OR6N1: variants seen among roughly 807,000 people sequenced by gnomAD.
The protein encoded by OR6N1 is olfactory receptor family 6 subfamily N member 1.
For missense variants in OR6N1, 394 were observed against 371.7 expected, an observed-to-expected ratio of 1.06 and a Z score of -0.49; for synonymous variants, 170 against 150.7, an observed-to-expected ratio of 1.13 and a Z score of -0.94.
the OR6N1 span, among the ~76,000 whole-genome samples, chr1:158,820,544 C>T: frequency 3.3e-5 from 5 of 152,150 alleles, no homozygotes; most frequent in African/African-American, 1.2e-4. Flanking sequence ...TTTGTTGATT[C>T]CTATTATTGT....
At chr1:158,834,932 C>T in the OR6N1 span, among the ~76,000 whole-genome samples, 4 of 152,174 alleles carry the variant, frequency 2.6e-5, no homozygotes, top group African/African-American at 9.6e-5. Context: ...CCATATTTCT[C>T]AGGGTTTATT....
the OR6N1 span, among the ~76,000 whole-genome samples, chr1:158,823,991 T>G: frequency 2.0e-5 from 3 of 152,202 alleles, no homozygotes; most frequent in Non-Finnish European, 4.4e-5. Context: ...AGGAGCAAGT[T>G]GCTTAACTTC....
the OR6N1 span, among the ~76,000 whole-genome samples, chr1:158,801,848 C>T: frequency 3.2e-3 from 489 of 152,168 alleles, no homozygotes; most frequent in Non-Finnish European, 4.9e-3. Context: ...TTTTTAGATA[C>T]TCTAATCTTT....
upstream of OR6N1, chr1:158,777,061 G>T: frequency 6.2e-7 from 1 of 1,614,136 alleles, no homozygotes; most frequent in Non-Finnish European, 8.5e-7. Context: ...GTTAGCAGAT[G>T]TGTCCTTGCA....
At chr1:158,784,925 T>G in the OR6N1 span, among the ~76,000 whole-genome samples, 1 of 152,210 alleles carries the variant, frequency 6.6e-6, no homozygotes, top group African/African-American at 2.4e-5. Flanking sequence ...CAAAGAAATA[T>G]CTGCACTCTC....
At chr1:158,776,195 C>T (rs905745448), upstream of OR6N1, 4 of 152,024 alleles carry the variant, frequency 2.6e-5, no homozygotes, top group African/African-American at 9.7e-5. Context: ...GGCATAAAAA[C>T]TGGTCATGTG....
At chr1:158,791,359 C>T in the OR6N1 span, among the ~76,000 whole-genome samples, 7 of 151,964 alleles carry the variant, frequency 4.6e-5, no homozygotes, top group Non-Finnish European at 8.8e-5. Context: ...ACTCAAAATT[C>T]ATTCAGGAGC....
At chr1:158,774,881 T>C (rs1014276427), upstream of OR6N1, 1 of 152,202 alleles carries the variant, frequency 6.6e-6, no homozygotes, top group African/African-American at 2.4e-5. Flanking sequence ...ATGCATTCTA[T>C]AGAACAGTGG....
the OR6N1 span, among the ~76,000 whole-genome samples, chr1:158,833,380 G>C: frequency 6.6e-6 from 1 of 152,174 alleles, no homozygotes; most frequent in Non-Finnish European, 1.5e-5. Flanking sequence ...CAAGTGTACA[G>C]TTCAGTAGTA....
the OR6N1 span, among the ~76,000 whole-genome samples, chr1:158,817,998 C>G: frequency 2.5e-4 from 38 of 152,282 alleles, no homozygotes; most frequent in Non-Finnish European, 4.9e-4. Flanking sequence ...GAAAGTAAAA[C>G]CAGAGTGATG....
At chr1:158,839,085 A>G in the OR6N1 span, among the ~76,000 whole-genome samples, 1 of 152,078 alleles carries the variant, frequency 6.6e-6, no homozygotes, top group Non-Finnish European at 1.5e-5. Context: ...GTTTCTTTAG[A>G]GAAAGTTTGT....
At chr1:158,779,018 C>CA in the OR6N1 span, among the ~76,000 whole-genome samples, 6,054 of 86,396 alleles carry the variant, frequency 0.07, 509 homozygotes, top group African/African-American at 0.19. Flanking sequence ...GACTGCGTCT[C>CA]AAAAAAAAAA....
rs935522111 is a variant in OR6N1, at chr1:158,765,935, T to C, written c.748A>G (p.Ile250Val). ...ATGGAAAGGATGCTCCCATAGAAGA[T>C]GAGAACCACAGTGAAGTGGGAGGCA... ...TCASHFTVVL[I>V]FYGSILSMYV... The change falls in exon 2 of 2, where the codon ATC becomes GTC. Residue 250 changes from isoleucine to valine, a missense_variant. Physicochemically the swap from Ile to Val is conservative, Grantham distance 29. Coordinates refer to ENST00000641846, the MANE Select transcript of OR6N1 (RefSeq NM_001005185.2). 6 of 1,613,944 alleles carry C rather than the reference T, an allele frequency of 3.7e-6. No individual in the cohort carries two copies. Among genetic ancestry groups the C allele is most frequent in the African/African-American group, 1.3e-5 (1 of 74,928 alleles).
At chr1:158,785,898 A>T in the OR6N1 span, among the ~76,000 whole-genome samples, 1 of 152,110 alleles carries the variant, frequency 6.6e-6, no homozygotes, top group Admixed American at 6.6e-5. Context: ...ATTATTTTAG[A>T]CTTTTCAAGC....
the OR6N1 span, chr1:158,777,463 G>T: frequency 6.2e-7 from 1 of 1,614,190 alleles, no homozygotes; most frequent in Non-Finnish European, 8.5e-7. Context: ...GTGGTACATA[G>T]GTGTGTGCAG....
At chr1:158,768,869 G>T (rs565463891) in intron 1 of OR6N1, among the ~76,000 whole-genome samples, 1 of 152,014 alleles carries the variant, frequency 6.6e-6, no homozygotes, top group African/African-American at 2.4e-5. Context: ...CAGAGGACTT[G>T]TCATGTTCTA....
At chr1:158,791,476 T>C in the OR6N1 span, among the ~76,000 whole-genome samples, 1 of 150,214 alleles carries the variant, frequency 6.7e-6, no homozygotes, top group Non-Finnish European at 1.5e-5. Flanking sequence ...TTGATTTTTT[T>C]TTTTTTTTTT....
chr1:158,768,673 G>A (rs1418028118), intron 1 of OR6N1, among the ~76,000 whole-genome samples: 1 of 152,178 alleles, frequency 6.6e-6, no homozygotes, highest in Non-Finnish European at 1.5e-5. Context: ...AACCTTTGCT[G>A]TAGCTCTTTC....
the OR6N1 span, chr1:158,809,477 C>CA: frequency 4.6e-5 from 7 of 152,128 alleles, no homozygotes; most frequent in Admixed American, 3.9e-4. Context: ...ACTGAAGCCC[C>CA]AAAAGCAGAA....
Sources: gnomAD v4.1 joint callset for allele counts (sites outside exome capture counted in the v4.1 genomes callset) on GRCh38, gnomAD v4.1.1 for gene constraint, MANE v1.5 for transcripts, NCBI Gene and HGNC (gene_info 2026-07-23, HGNC 2026-07-21) for gene names.